The following IGF1R variants were observed in gnomAD, a reference collection of about 807,000 sequenced individuals.
The protein encoded by IGF1R is insulin-like growth factor 1 receptor.
A neutral mutation model predicts 144.6 loss-of-function variants in IGF1R; 44 were observed. The observed-to-expected ratio is 0.30, with a 90% CI of 0.24 to 0.39. IGF1R has a LOEUF of 0.39. Among genes scored for constraint, IGF1R ranks in the 10% least tolerant of loss-of-function variants. IGF1R has a pLI of 1.00. For missense variants in IGF1R, 1,355 were observed against 1,833.7 expected, an observed-to-expected ratio of 0.74 and a Z score of 4.77; for synonymous variants, 795 against 722.8, an observed-to-expected ratio of 1.10 and a Z score of -1.60.
chr15:98,917,096 C>T (rs1567197587), intron 10 of IGF1R: 1 of 623,608 alleles, frequency 1.6e-6, no homozygotes, highest in East Asian at 2.9e-5. Context: ...GTTGCTGGGG[C>T]CACCGGTGTG....
At chr15:98,748,734 T>C (rs973461089) in intron 2 of IGF1R, among the ~76,000 whole-genome samples, 2 of 152,232 alleles carry the variant, frequency 1.3e-5, no homozygotes, top group African/African-American at 4.8e-5. Context: ...CTTTTTGCCA[T>C]GTAAGTAGTT....
At chr15:98,920,217 G>A (rs1350060897) in intron 10 of IGF1R, among the ~76,000 whole-genome samples, 2 of 152,182 alleles carry the variant, frequency 1.3e-5, no homozygotes, top group African/African-American at 4.8e-5. Flanking sequence ...ATTTGGAAAT[G>A]TAGTTGTTTA....
chr15:98,788,428 G>A (rs2056056159), intron 2 of IGF1R, among the ~76,000 whole-genome samples: 1 of 152,214 alleles, frequency 6.6e-6, no homozygotes, highest in Non-Finnish European at 1.5e-5. Context: ...TGTCTGCTAA[G>A]TCACAGGCTT....
At chr15:98,697,627 C>T (rs573156984) in intron 1 of IGF1R, among the ~76,000 whole-genome samples, 80 of 149,666 alleles carry the variant, frequency 5.3e-4, no homozygotes, top group Middle Eastern at 3.4e-3. Context: ...CGGTGGTGGA[C>T]GGGCTGTGTG....
intron 2 of IGF1R, among the ~76,000 whole-genome samples, chr15:98,851,790 G>A (rs2011539398): frequency 6.6e-6 from 1 of 152,194 alleles, no homozygotes; most frequent in African/African-American, 2.4e-5. Flanking sequence ...GTGTGGAAAA[G>A]GCAAGGTGTA....
chr15:98,836,165 G>T (rs767990261), intron 2 of IGF1R, among the ~76,000 whole-genome samples: 2 of 150,778 alleles, frequency 1.3e-5, no homozygotes, highest in African/African-American at 2.5e-5. Context: ...ACTGGCCGGG[G>T]AGAAACTGAA....
intron 1 of IGF1R, among the ~76,000 whole-genome samples, chr15:98,682,075 G>C (rs1407643578): frequency 6.6e-6 from 1 of 152,204 alleles, no homozygotes; most frequent in Non-Finnish European, 1.5e-5. Context: ...GGACTGATGA[G>C]TGAACAGCAG....
intron 1 of IGF1R, among the ~76,000 whole-genome samples, chr15:98,661,939 G>C (rs2052608767): frequency 6.9e-6 from 1 of 144,704 alleles, no homozygotes. Context: ...GGGAATTGCT[G>C]CCAGTTGAAT....
chr15:98,863,809 A>G (rs2012287529), intron 2 of IGF1R, among the ~76,000 whole-genome samples: 1 of 152,216 alleles, frequency 6.6e-6, no homozygotes, highest in South Asian at 2.1e-4. Context: ...AGAGAATGCT[A>G]TTGGGGAACT....
intron 2 of IGF1R, among the ~76,000 whole-genome samples, chr15:98,800,030 C>G (rs542501716): frequency 2.0e-5 from 3 of 152,264 alleles, no homozygotes; most frequent in Admixed American, 1.3e-4. Context: ...TTAGAACATG[C>G]TCTTGTATTT....
chr15:98,789,242 TC>T (rs1157635593), intron 2 of IGF1R, among the ~76,000 whole-genome samples: 1 of 152,234 alleles, frequency 6.6e-6, no homozygotes, highest in Non-Finnish European at 1.5e-5. Context: ...AAGAAAACCC[TC>T]ACTGAGTTGA....
At position 98,916,100 on chromosome 15, in the gene IGF1R, C is replaced by T. The variant is rs764811103; in HGVS notation, c.1965C>T (p.Gly655=). 6.2e-7 allele frequency: 1 copy of T among 1,614,052 alleles called. No individual in the cohort carries two copies. Among genetic ancestry groups the T allele is most frequent in the Non-Finnish European group, 8.5e-7 (1 of 1,180,040 alleles). Residue 655 remains glycine (G), a synonymous_variant, in exon 9 of 21, where the codon GGC becomes GGT. Coordinates refer to ENST00000650285, the MANE Select transcript of IGF1R (RefSeq NM_000875.5). ...GCTGGCAGCGGCAGCCTCAGGACGGCTACCTTTACCGGCACAATTACTGCT... is the reference window on the plus strand; with the variant it reads ...GCTGGCAGCGGCAGCCTCAGGACGGTTACCTTTACCGGCACAATTACTGCT... ...IVRWQRQPQD[G]YLYRHNYCSK...
At chr15:98,769,991 G>C (rs764832921) in intron 2 of IGF1R, among the ~76,000 whole-genome samples, 1 of 151,978 alleles carries the variant, frequency 6.6e-6, no homozygotes, top group Non-Finnish European at 1.5e-5. Context: ...TGTGGTCTTC[G>C]GTTGCTTCCT....
chr15:98,876,017 G>GT, intron 2 of IGF1R, among the ~76,000 whole-genome samples: 1 of 152,254 alleles, frequency 6.6e-6, no homozygotes, highest in South Asian at 2.1e-4. Flanking sequence ...GTGATGTTGG[G>GT]TGGGCCAGCA....
intron 1 of IGF1R, among the ~76,000 whole-genome samples, chr15:98,695,544 G>C (rs2053576301): frequency 2.0e-5 from 3 of 152,150 alleles, no homozygotes; most frequent in Non-Finnish European, 4.4e-5. Context: ...AGTGATCCCA[G>C]GTAGGTCATT....
chr15:98,913,277 C>CT lies in IGF1R; in HGVS notation c.1825dup (p.Ser609PhefsTer73). 6.2e-7 allele frequency: 1 copy of CT among 1,612,156 alleles called. No homozygotes were observed. Among genetic ancestry groups the CT allele is most frequent in the Non-Finnish European group, 8.5e-7 (1 of 1,178,202 alleles). ...GAGATCTTGTACATTCGCACCAATGCTTCAGGTATCCATGCCTAGACAAGC... is the reference window on the plus strand; with the variant it reads ...GAGATCTTGTACATTCGCACCAATGCTTTCAGGTATCCATGCCTAGACAAGC... On this transcript the variant is annotated frameshift_variant, in exon 8 of 21. Coordinates refer to ENST00000650285, the MANE Select transcript of IGF1R (RefSeq NM_000875.5). LOFTEE classifies it high-confidence loss of function.
chr15:98,680,333 C>T (rs545464882), intron 1 of IGF1R, among the ~76,000 whole-genome samples: 1 of 150,448 alleles, frequency 6.6e-6, no homozygotes, highest in Non-Finnish European at 1.5e-5. Flanking sequence ...GTGGTGCAGT[C>T]TCGGCTCACT....
At chr15:98,775,050 T>G (rs1333826660) in intron 2 of IGF1R, among the ~76,000 whole-genome samples, 1 of 152,108 alleles carries the variant, frequency 6.6e-6, no homozygotes, top group Admixed American at 6.5e-5. Flanking sequence ...ACTTGGAGGT[T>G]AATAATAACC....
At chr15:98,700,525 G>A (rs1288352700) in intron 1 of IGF1R, among the ~76,000 whole-genome samples, 2 of 152,068 alleles carry the variant, frequency 1.3e-5, no homozygotes, top group Non-Finnish European at 2.9e-5. Context: ...AAATTTTGGG[G>A]CCTCACCTCT....
Sources: gnomAD v4.1 joint callset for allele counts (sites outside exome capture counted in the v4.1 genomes callset) on GRCh38, gnomAD v4.1.1 for gene constraint, MANE v1.5 for transcripts, NCBI Gene and HGNC (gene_info 2026-07-23, HGNC 2026-07-21) for gene names.